The following DOCK4 variants were observed in gnomAD, a reference collection of about 807,000 sequenced individuals.
The protein encoded by DOCK4 is dedicator of cytokinesis protein 4.
A neutral mutation model predicts 268.1 loss-of-function variants in DOCK4; 97 were observed. The observed-to-expected ratio is 0.36, with a 90% confidence interval of 0.31 to 0.43. DOCK4 has a LOEUF of 0.43. Among genes scored for constraint, DOCK4 ranks in the 20% least tolerant of loss-of-function variants. The pLI, the probability that DOCK4 is intolerant of heterozygous loss-of-function variation, is 1.00. For synonymous variants in DOCK4, 954 were observed against 887.2 expected (o/e 1.08, Z -1.34); for missense variants, 2,145 against 2,455.7 (o/e 0.87, Z 2.67).
At chr7:112,025,199 G>T (rs913567163) in intron 1 of DOCK4, among the ~76,000 whole-genome samples, 21 of 139,558 alleles carry the variant, frequency 1.5e-4, no homozygotes, top group Non-Finnish European at 2.6e-4. Flanking sequence ...GGGTGCTAGG[G>T]ATTCAGTGAT....
chr7:112,006,301 A>C (rs1800857085), intron 1 of DOCK4, among the ~76,000 whole-genome samples: 2 of 152,200 alleles, frequency 1.3e-5, no homozygotes, highest in African/African-American at 4.8e-5. Flanking sequence ...GGTATGGTTT[A>C]AGGGTGTGGC....
chr7:112,066,962 T>C (rs113834843), intron 1 of DOCK4, among the ~76,000 whole-genome samples: 3,142 of 149,354 alleles, frequency 0.021, 120 homozygotes, highest in African/African-American at 0.073. Flanking sequence ...CTGGGCAATA[T>C]GGCAAAACCC....
intron 1 of DOCK4, among the ~76,000 whole-genome samples, chr7:112,116,056 A>G (rs544296541): frequency 2.6e-5 from 4 of 152,256 alleles, no homozygotes; most frequent in African/African-American, 7.2e-5. Context: ...AACTCATGAC[A>G]CTAAGTACAT....
chr7:111,775,110 A>G (rs893632571), intron 36 of DOCK4, among the ~76,000 whole-genome samples: 1 of 152,228 alleles, frequency 6.6e-6, no homozygotes, highest in African/African-American at 2.4e-5. Context: ...TAGGCAACAG[A>G]ATTAATAGAA....
At chr7:112,206,059 C>T in intron 1 of DOCK4, 43 bp downstream of exon 1, 1 of 1,556,894 alleles carries the variant, frequency 6.4e-7, no homozygotes, top group East Asian at 2.4e-5. Context: ...TGCGCACTCG[C>T]TCGGGCCAGA....
chr7:111,781,843 A>G (rs1171031731), intron 35 of DOCK4, among the ~76,000 whole-genome samples: 1 of 152,206 alleles, frequency 6.6e-6, no homozygotes, highest in Non-Finnish European at 1.5e-5. Context: ...ATGAGCTAAG[A>G]AAAGACAAAA....
At chr7:112,176,773 A>C (rs1481864993) in intron 1 of DOCK4, among the ~76,000 whole-genome samples, 1 of 152,210 alleles carries the variant, frequency 6.6e-6, no homozygotes, top group African/African-American at 2.4e-5. Context: ...ATTTGCTCTG[A>C]AAGTACTGTG....
At chr7:111,831,539 G>C (rs111333665) in intron 26 of DOCK4, among the ~76,000 whole-genome samples, 2,605 of 151,380 alleles carry the variant, frequency 0.017, 74 homozygotes, top group African/African-American at 0.06. Context: ...GGTTGGAGAG[G>C]AGTGGTGCAA....
intron 13 of DOCK4, 110 bp from the exon 14 acceptor site, chr7:111,901,911 T>C: frequency 1.4e-6 from 1 of 740,308 alleles, no homozygotes; most frequent in South Asian, 2.1e-5. Context: ...TACATACATA[T>C]AAAAGTACAA....
At chr7:112,034,310 G>T (rs1055295080) in intron 1 of DOCK4, among the ~76,000 whole-genome samples, 1 of 152,152 alleles carries the variant, frequency 6.6e-6, no homozygotes, top group Non-Finnish European at 1.5e-5. Flanking sequence ...TTTGAAAAGT[G>T]GCAGGTGGAG....
intron 15 of DOCK4, among the ~76,000 whole-genome samples, chr7:111,899,118 C>A (rs1013631601): frequency 1.3e-5 from 2 of 152,104 alleles, no homozygotes; most frequent in Non-Finnish European, 2.9e-5. Context: ...ATTTTAAGAC[C>A]CTGCTAGCTC....
At chr7:111,904,992 C>A (rs1288599866) in intron 13 of DOCK4, among the ~76,000 whole-genome samples, 21 of 152,170 alleles carry the variant, frequency 1.4e-4, no homozygotes, top group Admixed American at 1.4e-3. Context: ...TAGACTAAAA[C>A]CAGATTTCTT....
chr7:111,733,232 A>G (rs1795229645), intron 51 of DOCK4, among the ~76,000 whole-genome samples: 2 of 152,218 alleles, frequency 1.3e-5, no homozygotes, highest in Non-Finnish European at 1.5e-5. Context: ...ACAGAGCCCC[A>G]CAACAGTGAC....
At chr7:111,815,117 CT>C (rs1250924843) in intron 27 of DOCK4, among the ~76,000 whole-genome samples, 7 of 151,994 alleles carry the variant, frequency 4.6e-5, no homozygotes, top group African/African-American at 1.7e-4. Flanking sequence ...ATAAAAAATA[CT>C]TTTAATTTTT....
intron 1 of DOCK4, among the ~76,000 whole-genome samples, chr7:112,052,844 T>C (rs904624538): frequency 1.3e-5 from 2 of 152,146 alleles, no homozygotes; most frequent in Non-Finnish European, 2.9e-5. Flanking sequence ...TTTTACAGCT[T>C]TACAAACTAA....
chr7:112,195,801 C>CA (rs1417755311), intron 1 of DOCK4, among the ~76,000 whole-genome samples: 1 of 152,068 alleles, frequency 6.6e-6, no homozygotes, highest in African/African-American at 2.4e-5. Flanking sequence ...TAATAAACAG[C>CA]AAATTTCTTG....
Position 111,783,863 on chromosome 7 carries a change from T to G in DOCK4, c.3518A>C (p.Asp1173Ala). 6.3e-7 allele frequency: 1 copy of G among 1,599,734 alleles called. No homozygotes were observed. Among genetic ancestry groups the G allele is most frequent in the Non-Finnish European group, 8.5e-7 (1 of 1,172,592 alleles). The change falls in exon 34 of 53, where the codon GAT (aspartate) becomes GCT (alanine). Residue 1173 changes from aspartate (D) to alanine (A), a missense_variant. Physicochemically the swap from Asp to Ala is moderately radical, Grantham distance 126 (BLOSUM62 -2). Coordinates refer to ENST00000428084, the MANE Select transcript of DOCK4 (RefSeq NM_001363540.2). ...AACATGCGACTTGGCTTACCTGTAA[T>G]CTAACAACCTCTCCATTAGACGAGT... ...TVTRLMERLL[D>A]YRDCMKMGEV... is the part of the protein sequence containing the mutation.
intron 5 of DOCK4, 58 bp downstream of exon 5, chr7:111,994,077 T>C (rs766990985): frequency 8.7e-7 from 1 of 1,143,868 alleles, no homozygotes; most frequent in Non-Finnish European, 1.3e-6. Context: ...CTCATGTTCA[T>C]GTATTTCTTA....
intron 17 of DOCK4, 61 bp downstream of exon 17, chr7:111,876,969 C>T (rs1806944118): frequency 7.8e-7 from 1 of 1,285,546 alleles, no homozygotes; most frequent in Non-Finnish European, 1.0e-6. Context: ...ACTGAATATG[C>T]TTACCAAAAT....
Sources: allele counts gnomAD v4.1 joint callset (sites outside exome capture counted in the v4.1 genomes callset), GRCh38; gene constraint gnomAD v4.1.1; transcripts MANE v1.5; gene names NCBI Gene and HGNC (gene_info 2026-07-23, HGNC 2026-07-21).